GPHN: variants seen among roughly 807,000 people sequenced by gnomAD.
GPHN encodes the protein gephyrin.
In GPHN, 17 loss-of-function variants were observed where a neutral mutation model predicts 95.5. The observed-to-expected ratio is 0.18, with a 90% CI of 0.12 to 0.27. The LOEUF is 0.27. Ranked by LOEUF, GPHN falls within the 10% of genes least tolerant of loss-of-function variation. GPHN has a pLI of 1.00. For synonymous variants in GPHN, 320 were observed against 322.5 expected (o/e 0.99, Z 0.08); for missense variants, 660 against 978.1 (o/e 0.67, Z 4.34).
At chr14:66,669,937 C>G (rs530454267) in intron 1 of GPHN, among the ~76,000 whole-genome samples, 1 of 152,310 alleles carries the variant, frequency 6.6e-6, no homozygotes, top group African/African-American at 2.4e-5. Flanking sequence ...CTGCCTTGGT[C>G]TTAGCACCTG....
the GPHN span, among the ~76,000 whole-genome samples, chr14:67,382,908 CGTGTGTGTGT>C: frequency 6.9e-6 from 1 of 144,096 alleles, no homozygotes; most frequent in African/African-American, 2.5e-5. Flanking sequence ...TGCGTGCGTG[CGTGTGTGTGT>C]GTGTGTGTGT....
chr14:66,570,295 CTTT>C (rs535461102), intron 1 of GPHN, among the ~76,000 whole-genome samples: 2 of 100,112 alleles, frequency 2.0e-5, no homozygotes, highest in African/African-American at 4.3e-5. Context: ...ATTTCATGTA[CTTT>C]TTTTTTTTTT....
chr14:67,383,513 G>A, the GPHN span: 4 of 1,586,932 alleles, frequency 2.5e-6, no homozygotes, highest in Non-Finnish European at 3.4e-6. Context: ...AGACTTGAAA[G>A]TTTTCCAGTA....
intron 4 of GPHN, among the ~76,000 whole-genome samples, chr14:66,827,307 G>C (rs991131227): frequency 4.0e-5 from 6 of 151,706 alleles, no homozygotes; most frequent in Non-Finnish European, 8.8e-5. Flanking sequence ...CGGGGTGAGG[G>C]GGGTGCAGAG....
chr14:66,717,150 T>C (rs2153425434), intron 2 of GPHN, among the ~76,000 whole-genome samples: 1 of 152,342 alleles, frequency 6.6e-6, no homozygotes, highest in Non-Finnish European at 1.5e-5. Context: ...GGTTTGGTCG[T>C]TGAGCATAAT....
chr14:67,532,192 G>A, the GPHN span, among the ~76,000 whole-genome samples: 1 of 152,168 alleles, frequency 6.6e-6, no homozygotes, highest in Non-Finnish European at 1.5e-5. Context: ...TTCTACGTGA[G>A]AATGGCCTGG....
chr14:66,544,252 C>T (rs1162184579), intron 1 of GPHN, among the ~76,000 whole-genome samples: 3 of 152,196 alleles, frequency 2.0e-5, no homozygotes, highest in Non-Finnish European at 4.4e-5. Flanking sequence ...CCTCAAATGT[C>T]ACCTTCTCAA....
chr14:66,916,427 A>G (rs2065902812), intron 6 of GPHN, among the ~76,000 whole-genome samples: 1 of 147,598 alleles, frequency 6.8e-6, no homozygotes, highest in African/African-American at 2.5e-5. Flanking sequence ...ATGATAATAT[A>G]CTTGTAATAT....
the GPHN span, chr14:67,615,849 G>A: frequency 1.6e-6 from 1 of 620,956 alleles, no homozygotes; most frequent in South Asian, 1.6e-5. Context: ...CTGTCCATTG[G>A]TGATTCGGCG....
At chr14:67,288,704 C>A in the GPHN span, among the ~76,000 whole-genome samples, 1 of 152,000 alleles carries the variant, frequency 6.6e-6, no homozygotes, top group East Asian at 1.9e-4. Flanking sequence ...TTAGGGAATT[C>A]TTTGGTAACC....
chr14:66,696,649 A>G (rs1045412512), intron 2 of GPHN, among the ~76,000 whole-genome samples: 11 of 152,300 alleles, frequency 7.2e-5, no homozygotes, highest in Admixed American at 2.6e-4. Flanking sequence ...GTGGTCCTAC[A>G]CCAACCCATG....
At chr14:66,820,214 A>G (rs1273162423) in intron 3 of GPHN, among the ~76,000 whole-genome samples, 3 of 152,152 alleles carry the variant, frequency 2.0e-5, no homozygotes, top group African/African-American at 7.2e-5. Flanking sequence ...TGATTTTCAG[A>G]AAAAAACTGA....
At chr14:67,636,324 T>G in the GPHN span, among the ~76,000 whole-genome samples, 36 of 152,250 alleles carry the variant, frequency 2.4e-4, no homozygotes, top group African/African-American at 8.4e-4. Flanking sequence ...ATATATGAGC[T>G]CTAACCAAAG....
chr14:67,554,257 T>C, the GPHN span, among the ~76,000 whole-genome samples: 1 of 152,006 alleles, frequency 6.6e-6, no homozygotes, highest in Admixed American at 6.5e-5. Flanking sequence ...TACCTTTTAA[T>C]TAAGGAAAGC....
chr14:66,580,323 ATAGT>A (rs2061102349), intron 1 of GPHN, among the ~76,000 whole-genome samples: 1 of 151,876 alleles, frequency 6.6e-6, no homozygotes, highest in African/African-American at 2.4e-5. Context: ...CACTAAGCCC[ATAGT>A]TAGTTGAATG....
At chr14:67,665,365 C>T in the GPHN span, among the ~76,000 whole-genome samples, 4 of 151,516 alleles carry the variant, frequency 2.6e-5, no homozygotes, top group Non-Finnish European at 4.4e-5. Context: ...ATCCTCCCAC[C>T]TGCTCAAGCA....
chr14:66,788,270 C>G (rs2059852032), intron 3 of GPHN, among the ~76,000 whole-genome samples: 2 of 152,216 alleles, frequency 1.3e-5, no homozygotes, highest in Admixed American at 1.3e-4. Context: ...AATGGCACCA[C>G]TGCACTCCAG....
At chr14:67,335,727 T>C in the GPHN span, 2 of 150,574 alleles carry the variant, frequency 1.3e-5, no homozygotes, top group African/African-American at 5.0e-5. Flanking sequence ...TTTGTACTCT[T>C]TTCCTGTATC....
the GPHN span, among the ~76,000 whole-genome samples, chr14:67,481,123 CT>C: frequency 6.6e-6 from 1 of 151,898 alleles, no homozygotes; most frequent in African/African-American, 2.4e-5. Flanking sequence ...AGACCACCAT[CT>C]CTACAAAAAG....
Sources: allele counts gnomAD v4.1 joint callset (sites outside exome capture counted in the v4.1 genomes callset), GRCh38; gene constraint gnomAD v4.1.1; transcripts MANE v1.5; gene names NCBI Gene and HGNC (gene_info 2026-07-23, HGNC 2026-07-21).